Variants in MYO18B observed in about 807,000 individuals in gnomAD.
MYO18B encodes the protein unconventional myosin-XVIIIb.
MYO18B carries 204 observed loss-of-function variants against 273.0 expected under a neutral mutation model. The observed-to-expected ratio is 0.75, with a 90% CI of 0.67 to 0.84. The LOEUF (loss-of-function observed/expected upper bound fraction) is 0.84. MYO18B is among the 40% of genes least tolerant of loss of function. The pLI is 0.00. For synonymous variants in MYO18B, 1,330 were observed against 1,305.7 expected, an observed-to-expected ratio of 1.02 and a Z score of -0.40; for missense variants, 3,212 against 3,287.6, an observed-to-expected ratio of 0.98 and a Z score of 0.56.
intron 32 of MYO18B, 105 bp downstream of exon 32, chr22:25,908,537 C>A: frequency 1.1e-6 from 1 of 909,586 alleles, no homozygotes; most frequent in Non-Finnish European, 1.7e-6. Context: ...GATCTGGGGA[C>A]AAGCTCTTTC....
chr22:26,031,715 G>T (rs1310383361), downstream of MYO18B, among the ~76,000 whole-genome samples: 2 of 152,200 alleles, frequency 1.3e-5, no homozygotes, highest in East Asian at 1.9e-4. Context: ...CCTCACTAGA[G>T]ACTCTGGGTA....
At position 25,770,855 on chromosome 22, in the gene MYO18B, C is replaced by T. The variant is rs1218216936; in HGVS notation, c.1580-17C>T. The T allele has an allele frequency of 1.3e-6, 2 of 1,540,358 alleles. No individual in the cohort carries two copies. Among genetic ancestry groups the T allele is most frequent in the Non-Finnish European group, 1.8e-6 (2 of 1,136,588 alleles). The stretch of plus-strand genomic sequence containing the variant: ...TCTCCTCCCCGTTCCCCTTCTCTCT[C>T]TGGGATGTCCAACCAGCTACGGTGC... On this transcript the variant is annotated splice_polypyrimidine_tract_variant and intron_variant, in intron 5 of 43. Transcript: ENST00000335473.
At chr22:25,747,592 G>A (rs771257620) in intron 1 of MYO18B, among the ~76,000 whole-genome samples, 151 of 152,204 alleles carry the variant, frequency 9.9e-4, no homozygotes, top group Non-Finnish European at 1.5e-3. Flanking sequence ...AGAGGGGAGA[G>A]CCAATGGGCT....
chr22:26,048,072 T>G, the MYO18B span, among the ~76,000 whole-genome samples: 1 of 152,188 alleles, frequency 6.6e-6, no homozygotes, highest in African/African-American at 2.4e-5. Context: ...GAGTCTAGAG[T>G]AGACTTCCTC....
At chr22:25,811,387 A>G (rs2088751760) in intron 12 of MYO18B, among the ~76,000 whole-genome samples, 1 of 152,076 alleles carries the variant, frequency 6.6e-6, no homozygotes, top group African/African-American at 2.4e-5. Flanking sequence ...ATCACACATA[A>G]CATTCCATGA....
chr22:25,855,301 T>TTTTTG (rs2090536106), intron 21 of MYO18B, among the ~76,000 whole-genome samples: 2 of 150,826 alleles, frequency 1.3e-5, no homozygotes, highest in African/African-American at 2.4e-5. Context: ...TTTTTTTTTT[T>TTTTTG]GAGATGGAGT....
chr22:25,916,676 C>T (rs1177232652), intron 33 of MYO18B, among the ~76,000 whole-genome samples: 3 of 152,130 alleles, frequency 2.0e-5, no homozygotes, highest in Admixed American at 6.5e-5. Context: ...GAATGCATAA[C>T]ATCTTTTCTT....
At chr22:25,937,086 A>ATT (rs34738004) in intron 34 of MYO18B, among the ~76,000 whole-genome samples, 26 of 149,738 alleles carry the variant, frequency 1.7e-4, no homozygotes, top group East Asian at 5.9e-4. Flanking sequence ...ATTCAGGAAG[A>ATT]TTTTTTTTTT....
intron 15 of MYO18B, among the ~76,000 whole-genome samples, chr22:25,832,536 C>T (rs1443104524): frequency 1.3e-5 from 2 of 152,156 alleles, no homozygotes; most frequent in Non-Finnish European, 2.9e-5. Flanking sequence ...AGGACAAATA[C>T]TGTATGGTTT....
intron 40 of MYO18B, among the ~76,000 whole-genome samples, chr22:25,999,166 A>G (rs1156466775): frequency 1.3e-5 from 2 of 152,202 alleles, no homozygotes; most frequent in Non-Finnish European, 2.9e-5. Context: ...CAATCCATGC[A>G]GTAGGTGATG....
intron 3 of MYO18B, among the ~76,000 whole-genome samples, chr22:25,766,716 G>A (rs1050523177): frequency 6.6e-6 from 1 of 152,232 alleles, no homozygotes; most frequent in African/African-American, 2.4e-5. Flanking sequence ...GACCAGTACA[G>A]TTCATGCATG....
At chr22:25,806,737 G>A (rs1286487269) in intron 12 of MYO18B, among the ~76,000 whole-genome samples, 1 of 152,204 alleles carries the variant, frequency 6.6e-6, no homozygotes, top group Non-Finnish European at 1.5e-5. Flanking sequence ...TGTGTATTTC[G>A]AATGGCAGGC....
At chr22:26,042,693 C>T in the MYO18B span, among the ~76,000 whole-genome samples, 1 of 152,246 alleles carries the variant, frequency 6.6e-6, no homozygotes, top group South Asian at 2.1e-4. Flanking sequence ...AAATTCATTT[C>T]ACTCCTTCTC....
chr22:26,041,942 A>T, the MYO18B span, among the ~76,000 whole-genome samples: 1 of 152,216 alleles, frequency 6.6e-6, no homozygotes. Context: ...GCTTCCTCTC[A>T]GTCTCACTGG....
chr22:25,981,225 C>T (rs1354171692), intron 39 of MYO18B, among the ~76,000 whole-genome samples: 1 of 152,250 alleles, frequency 6.6e-6, no homozygotes, highest in Non-Finnish European at 1.5e-5. Context: ...AACCTGTCTT[C>T]TCTGGGGATA....
intron 9 of MYO18B, among the ~76,000 whole-genome samples, chr22:25,781,335 CGTG>C (rs2087140001): frequency 1.3e-5 from 2 of 152,014 alleles, no homozygotes. Context: ...AGAGGCTGGG[CGTG>C]GTGGCTCACG....
chr22:25,892,880 G>A (rs2091699602), intron 27 of MYO18B, among the ~76,000 whole-genome samples: 1 of 152,136 alleles, frequency 6.6e-6, no homozygotes, highest in Non-Finnish European at 1.5e-5. Context: ...CCAGAGGGGC[G>A]CCAGTGTCAG....
rs750959478 is a variant in MYO18B at position 25,846,153 on chromosome 22, G to C, written c.3422G>C (p.Arg1141Pro). 3.7e-6 allele frequency: 6 copies of C among 1,608,494 alleles called. No homozygotes were observed. The highest frequency in any genetic ancestry group is 3.4e-5 in the Admixed American group (2 of 59,378). The change falls in exon 19 of 44, where the codon CGG becomes CCG. Residue 1141 changes from arginine to proline, a missense_variant. Physicochemically the swap from Arg to Pro is moderately radical, Grantham distance 103. Transcript: ENST00000335473. Reference sequence around the variant, plus strand: ...CGGGCCAAGCTGCCTCCTGTGTGCCGGGCTGTGGCAGGCCTGGAGGGCACC... The same window carrying C: ...CGGGCCAAGCTGCCTCCTGTGTGCCCGGCTGTGGCAGGCCTGGAGGGCACC... ...QARAKLPPVC[R>P]AVAGLEGTSQ...
At chr22:25,954,644 A>C (rs2092827834) in intron 38 of MYO18B, among the ~76,000 whole-genome samples, 1 of 152,168 alleles carries the variant, frequency 6.6e-6, no homozygotes, top group African/African-American at 2.4e-5. Flanking sequence ...ATTTGAACCC[A>C]GAGGGTCTTG....
Sources: gnomAD v4.1 joint callset for allele counts (sites outside exome capture counted in the v4.1 genomes callset) on GRCh38, gnomAD v4.1.1 for gene constraint, MANE v1.5 for transcripts, NCBI Gene and HGNC (gene_info 2026-07-23, HGNC 2026-07-21) for gene names.